AUTS2: variants seen among roughly 807,000 people sequenced by gnomAD.
The protein encoded by AUTS2 is activator of transcription and developmental regulator AUTS2.
Under a neutral mutation model 112.4 loss-of-function variants are expected in AUTS2, and 17 were observed. The observed-to-expected ratio is 0.15, with a 90% CI of 0.10 to 0.23. The LOEUF (loss-of-function observed/expected upper bound fraction) is 0.23, where lower values mean the gene tolerates loss of function less well. Among genes scored for constraint, AUTS2 ranks in the 10% least tolerant of loss-of-function variants. AUTS2 has a pLI of 1.00. For synonymous variants in AUTS2, 751 were observed against 702.7 expected (o/e 1.07, Z -1.09); for missense variants, 1,510 against 1,701.6 (o/e 0.89, Z 1.98).
intron 2 of AUTS2, among the ~76,000 whole-genome samples, chr7:70,066,048 C>T (rs977907295): frequency 2.0e-5 from 3 of 152,036 alleles, no homozygotes; most frequent in Admixed American, 6.6e-5. Context: ...GTGTTAGCAG[C>T]GATGTTGCTG....
intron 1 of AUTS2, among the ~76,000 whole-genome samples, chr7:69,875,407 A>C (rs749450049): frequency 2.0e-5 from 3 of 152,222 alleles, no homozygotes; most frequent in Admixed American, 6.5e-5. Context: ...TCTTGCTCCT[A>C]TCTGAGCCAG....
At chr7:70,676,424 C>T (rs903029165) in intron 5 of AUTS2, among the ~76,000 whole-genome samples, 1 of 150,016 alleles carries the variant, frequency 6.7e-6, no homozygotes, top group Non-Finnish European at 1.5e-5. Flanking sequence ...AGAGCCAGAC[C>T]CTGTCTCAAA....
chr7:70,220,763 C>G (rs977361204), intron 4 of AUTS2, among the ~76,000 whole-genome samples: 1 of 152,192 alleles, frequency 6.6e-6, no homozygotes, highest in African/African-American at 2.4e-5. Flanking sequence ...AAAATGTCAA[C>G]CATGAGTCAC....
chr7:69,744,699 G>A (rs1479383962), intron 1 of AUTS2, among the ~76,000 whole-genome samples: 1 of 152,016 alleles, frequency 6.6e-6, no homozygotes, highest in African/African-American at 2.4e-5. Flanking sequence ...TAGCCGATGT[G>A]GTGGCATATG....
intron 2 of AUTS2, among the ~76,000 whole-genome samples, chr7:70,075,325 G>A (rs973402640): frequency 1.3e-5 from 2 of 151,928 alleles, no homozygotes; most frequent in South Asian, 2.1e-4. Context: ...TTTAGACTCC[G>A]TGGGAAGGAT....
chr7:70,156,019 G>A (rs934467440), intron 4 of AUTS2, among the ~76,000 whole-genome samples: 2 of 152,100 alleles, frequency 1.3e-5, no homozygotes, highest in African/African-American at 4.8e-5. Flanking sequence ...TTTGTCTGCT[G>A]ACACGTGGGT....
At chr7:70,512,993 G>A (rs746670329) in intron 5 of AUTS2, among the ~76,000 whole-genome samples, 1 of 152,174 alleles carries the variant, frequency 6.6e-6, no homozygotes, top group Admixed American at 6.5e-5. Context: ...GCTTTTGCTG[G>A]TGCCAGCAAT....
chr7:70,698,627 C>T lies in AUTS2; in HGVS notation c.742+7C>T, dbSNP rs1386997302. 3.1e-6 allele frequency: 5 copies of T among 1,598,220 alleles called. No individual in the cohort carries two copies. In the South Asian group the frequency reaches 3.4e-5, roughly 11 times the overall value. ...ACTGTTATTGTAAACAAAGGTAAGA[C>T]CCATTCATTCTCCTGAGTAATGGCT... On this transcript the variant is annotated splice_region_variant and intron_variant, in intron 6 of 18. Transcript: ENST00000342771.
intron 1 of AUTS2, among the ~76,000 whole-genome samples, chr7:69,656,685 T>G (rs1297936038): frequency 1.3e-5 from 2 of 152,206 alleles, no homozygotes; most frequent in Non-Finnish European, 2.9e-5. Flanking sequence ...CACCCAGATC[T>G]TGGGTTCAGT....
rs1448824612 is a variant in AUTS2, at chr7:70,467,755, C to T, written c.690+31974C>T. Among the ~76,000 whole-genome samples the T allele has an allele frequency of 3.3e-5, 5 of 152,298 alleles. No individual in the cohort carries two copies. The East Asian group carries it at 5.8e-4, about 18-fold the overall frequency. Reference sequence around the variant, plus strand: ...GCAGGTGAGCAGCACTGGCATCTTACAGGCCTGACTTTGATGTTTGAGGCT... The same window carrying T: ...GCAGGTGAGCAGCACTGGCATCTTATAGGCCTGACTTTGATGTTTGAGGCT... On this transcript the variant is annotated intron_variant, in intron 5 of 18. Transcript: ENST00000342771.
At chr7:69,776,367 C>CTATGG (rs1788897828) in intron 1 of AUTS2, among the ~76,000 whole-genome samples, 1 of 152,102 alleles carries the variant, frequency 6.6e-6, no homozygotes, top group South Asian at 2.1e-4. Flanking sequence ...GAGGAAAATA[C>CTATGG]TATGGTTCTG....
chr7:70,638,623 A>G (rs966013152), intron 5 of AUTS2, among the ~76,000 whole-genome samples: 1 of 152,170 alleles, frequency 6.6e-6, no homozygotes, highest in Non-Finnish European at 1.5e-5. Context: ...TCACACACAC[A>G]TTATTTAGAA....
intron 4 of AUTS2, among the ~76,000 whole-genome samples, chr7:70,215,814 C>A (rs775055609): frequency 1.3e-5 from 2 of 152,164 alleles, no homozygotes; most frequent in African/African-American, 2.4e-5. Flanking sequence ...TTCTGTACAT[C>A]AAGGTCAGAG....
chr7:70,775,830 G>T (rs1245741695), intron 13 of AUTS2, among the ~76,000 whole-genome samples: 1 of 152,164 alleles, frequency 6.6e-6, no homozygotes, highest in Non-Finnish European at 1.5e-5. Context: ...CAGGAAGGAG[G>T]TACTATAAGC....
chr7:70,444,196 G>T (rs1485309572), intron 5 of AUTS2, among the ~76,000 whole-genome samples: 1 of 152,170 alleles, frequency 6.6e-6, no homozygotes, highest in East Asian at 1.9e-4. Context: ...TTGTACAGGT[G>T]ATGTCTTGAA....
intron 1 of AUTS2, among the ~76,000 whole-genome samples, chr7:69,603,326 T>C (rs1477628350): frequency 6.6e-6 from 1 of 152,236 alleles, no homozygotes; most frequent in African/African-American, 2.4e-5. Flanking sequence ...GACTTCTCTT[T>C]TAAAAAAGAG....
chr7:69,830,989 T>G (rs1285965444), intron 1 of AUTS2, among the ~76,000 whole-genome samples: 1 of 152,158 alleles, frequency 6.6e-6, no homozygotes, highest in Non-Finnish European at 1.5e-5. Context: ...CCAGGAGACC[T>G]TTATAGTAGT....
rs896215968 is a variant in AUTS2, at chr7:69,611,936, C to CAAAAA, written c.309+11991_309+11995dup. Reference sequence around the variant, plus strand: ...TGGGCGACAGAGCGAGACTCCGTCTCAAAAAAAAAAAAAAAAAAAAATTGT... The same window carrying CAAAAA: ...TGGGCGACAGAGCGAGACTCCGTCTCAAAAAAAAAAAAAAAAAAAAAAAAAATTGT... On this transcript the variant is annotated intron_variant, in intron 1 of 18. Transcript: ENST00000342771. Among the ~76,000 whole-genome samples the CAAAAA allele has an allele frequency of 7.6e-3, 655 of 85,756 alleles. 43 individuals carry two copies. The highest frequency in any genetic ancestry group is 0.012 in the African/African-American group (239 of 20,378). 56.3% of individuals were successfully genotyped at this position (85,756 alleles called of 152,430 possible). A position where few individuals can be genotyped will look rare whatever the true frequency, so the allele number is the denominator to read the frequency against.
At chr7:69,906,236 T>A (rs953548008) in intron 2 of AUTS2, among the ~76,000 whole-genome samples, 15 of 152,232 alleles carry the variant, frequency 9.9e-5, no homozygotes, top group Non-Finnish European at 2.9e-5. Context: ...AAATTTTACA[T>A]TTTTCCCTCT....
Sources: allele counts gnomAD v4.1 joint callset (sites outside exome capture counted in the v4.1 genomes callset), GRCh38; gene constraint gnomAD v4.1.1; transcripts MANE v1.5; gene names NCBI Gene and HGNC (gene_info 2026-07-23, HGNC 2026-07-21).